CYP2E1: variants seen among roughly 807,000 people sequenced by gnomAD.
The protein encoded by CYP2E1 is cytochrome P450 2E1.
Under a neutral mutation model 42.9 loss-of-function variants are expected in CYP2E1, and 31 were observed. The ratio of observed to expected loss-of-function variants is 0.72; its 90% CI spans 0.54 to 0.98. The LOEUF (loss-of-function observed/expected upper bound fraction) is 0.98, where lower values mean the gene tolerates loss of function less well. Ranked by LOEUF, CYP2E1 falls within the 50% of genes least tolerant of loss-of-function variation. The pLI is 0.00. For missense variants in CYP2E1, 565 were observed against 633.2 expected (o/e 0.89, Z 1.16); for synonymous variants, 244 against 248.9 (o/e 0.98, Z 0.19).
At chr10:133,533,946 GA>G in intron 6 of CYP2E1, 49 bp downstream of exon 6, 1 of 1,603,378 alleles carries the variant, frequency 6.2e-7, no homozygotes, top group Non-Finnish European at 8.5e-7. Context: ...CATCTCCCTG[GA>G]TGGCCAGCCT....
chr10:133,535,121 G>A (rs1851382050), intron 6 of CYP2E1, among the ~76,000 whole-genome samples: 1 of 152,018 alleles, frequency 6.6e-6, no homozygotes, highest in Non-Finnish European at 1.5e-5. Context: ...CGATCACGAG[G>A]TCAGGAGTTC....
At chr10:133,528,123 T>C (rs1003614796) in intron 1 of CYP2E1, 20 of 244,746 alleles carry the variant, frequency 8.2e-5, no homozygotes, top group African/African-American at 4.5e-4. Context: ...CAGCTCGGGC[T>C]CCCGCGCCAG....
chr10:133,537,550 A>C, intron 7 of CYP2E1: 1 of 605,960 alleles, frequency 1.7e-6, no homozygotes, highest in East Asian at 2.8e-5. Flanking sequence ...TAATCCTGTG[A>C]GAAGATTAGG....
Position 133,531,728 on chromosome 10 carries a change from AC to A in CYP2E1, c.484del (p.Gln162LysfsTer19), listed in dbSNP as rs746615680. Reference sequence around the variant, plus strand: ...CTTCCTGCTGGAAGCACTCAGGAAGACCCAAGGTGCGTATCTGCTGCCTAGC... The same window carrying A: ...CTTCCTGCTGGAAGCACTCAGGAAGACCAAGGTGCGTATCTGCTGCCTAGC... ...AHFLLEALRKTQGQPFDPTFL... is the reference protein window; with the variant it reads ...AHFLLEALRKXQGQPFDPTFL... On this transcript the variant is annotated frameshift_variant, in exon 3 of 9. Transcript: ENST00000252945. LOFTEE classifies it high-confidence loss of function. 38 of 1,594,530 alleles carry A rather than the reference AC, an allele frequency of 2.4e-5. 1 individual carries two copies. The highest frequency in any genetic ancestry group is 2.4e-5 in the Non-Finnish European group (28 of 1,171,010).
rs916687829 is a variant in CYP2E1, at chr10:133,536,989, T to A, written c.968-74T>A. 33 of 1,412,938 alleles carry A rather than the reference T, an allele frequency of 2.3e-5. No individual in the cohort carries two copies. In the African/African-American group the frequency reaches 4.0e-4, roughly 17 times the overall value. The allele number at this position is 1,412,938 out of a possible 1,614,324, so 87.5% of individuals were successfully genotyped here. On this transcript the variant is annotated intron_variant, in intron 6 of 8. Coordinates refer to ENST00000252945, the MANE Select transcript of CYP2E1 (RefSeq NM_000773.4). ...ATGGATAAAAGCGTGATTGAATAGA[T>A]GGGTGGATGATGGGTGGATGCCCAA...
chr10:133,531,391 T>TC (rs536768903), intron 2 of CYP2E1, among the ~76,000 whole-genome samples, 194 bp from the exon 3 acceptor site: 57 of 152,186 alleles, frequency 3.7e-4, no homozygotes, highest in African/African-American at 1.3e-3. Flanking sequence ...GAAAGGCTCC[T>TC]CCCCAAAACC....
rs1290895880 is a variant in CYP2E1 at position 133,530,156 on chromosome 10, A to T, written c.338-1429A>T. Among the ~76,000 whole-genome samples the T allele has an allele frequency of 2.6e-5, 4 of 152,312 alleles. No individual in the cohort carries two copies. The East Asian group carries it at 7.7e-4, about 29-fold the overall frequency. On this transcript the variant is annotated intron_variant, in intron 2 of 8. Coordinates refer to ENST00000252945, the MANE Select transcript of CYP2E1 (RefSeq NM_000773.4). ...GCAGGGCGCAGACTGGCGGAAAATT[A>T]GCAGAGCCCTGGGCATGGGCTGCAC...
intron 2 of CYP2E1, 47 bp downstream of exon 2, chr10:133,528,687 C>A: frequency 6.2e-7 from 1 of 1,605,576 alleles, no homozygotes; most frequent in South Asian, 1.1e-5. Flanking sequence ...TAACACGCCC[C>A]GGGACAGTTA....
rs915909 is a variant in CYP2E1 at position 133,533,893 on chromosome 10, C to G, written c.963C>G (p.Ile321Met). The G allele has an allele frequency of 1.2e-6, 2 of 1,613,920 alleles. No homozygotes were observed. The highest frequency in any genetic ancestry group is 1.7e-6 in the Non-Finnish European group (2 of 1,179,952). The change falls in exon 6 of 9, where the codon ATC becomes ATG. Residue 321 changes from isoleucine to methionine, a missense_variant. Coordinates refer to ENST00000252945, the MANE Select transcript of CYP2E1 (RefSeq NM_000773.4). The stretch of plus-strand genomic sequence containing the variant: ...TGATTCTCATGAAATACCCTGAGAT[C>G]GAAGGTAGGCAAGTGACTGAAGGGA... ...GLLILMKYPEIEEKLHEEIDR... is the reference protein window; with the variant it reads ...GLLILMKYPEMEEKLHEEIDR...
chr10:133,531,666 A>G lies in CYP2E1; in HGVS notation c.419A>G (p.Lys140Arg), dbSNP rs1323264151. The G allele has an allele frequency of 6.2e-7, 1 of 1,613,720 alleles. No individual in the cohort carries two copies. Among genetic ancestry groups the G allele is most frequent in the Non-Finnish European group, 8.5e-7 (1 of 1,179,822 alleles). Reference sequence around the variant, plus strand: ...ACCCTCCGGAACTATGGGATGGGGAAACAGGGCAATGAGAGCCGGATCCAG... The same window carrying G: ...ACCCTCCGGAACTATGGGATGGGGAGACAGGGCAATGAGAGCCGGATCCAG... ...LTTLRNYGMGKQGNESRIQRE... is the reference protein window; with the variant it reads ...LTTLRNYGMGRQGNESRIQRE... The change falls in exon 3 of 9, where the codon AAA (lysine) becomes AGA (arginine). Residue 140 changes from lysine to arginine, a missense_variant. Lys to Arg is a conservative substitution (Grantham distance 26). Coordinates refer to ENST00000252945, the MANE Select transcript of CYP2E1 (RefSeq NM_000773.4).
chr10:133,529,337 C>G (rs915563307), intron 2 of CYP2E1, among the ~76,000 whole-genome samples: 2 of 152,214 alleles, frequency 1.3e-5, no homozygotes, highest in Non-Finnish European at 2.9e-5. Context: ...GGCTTCAGAC[C>G]TCAGCGAGGC....
intron 8 of CYP2E1, among the ~76,000 whole-genome samples, chr10:133,538,333 G>A (rs1057153163): frequency 2.4e-4 from 36 of 152,074 alleles, no homozygotes; most frequent in African/African-American, 8.2e-4. Context: ...GATTTTCTTT[G>A]AGGCACTTGT....
At chr10:133,530,395 C>A (rs1851322061) in intron 2 of CYP2E1, among the ~76,000 whole-genome samples, 1 of 152,142 alleles carries the variant, frequency 6.6e-6, no homozygotes, top group East Asian at 1.9e-4. Context: ...CCACGTCTGC[C>A]CCTCTGTCCC....
rs143114791 is a variant in CYP2E1 at position 133,533,821 on chromosome 10, C to T, written c.891C>T (p.Phe297=). The change falls in exon 6 of 9, where the codon TTC becomes TTT. Residue 297 remains phenylalanine (F), a synonymous_variant. Coordinates refer to ENST00000252945, the MANE Select transcript of CYP2E1 (RefSeq NM_000773.4). ...DGITVTVADL[F]FAGTETTSTT... ...TCACCGTGACTGTGGCCGACCTGTTCTTTGCGGGGACAGAGACCACCAGCA... is the reference window on the plus strand; with the variant it reads ...TCACCGTGACTGTGGCCGACCTGTTTTTTGCGGGGACAGAGACCACCAGCA... 1.7e-5 allele frequency: 27 copies of T among 1,614,040 alleles called. No homozygotes were observed. Among genetic ancestry groups the T allele is most frequent in the Non-Finnish European group, 6.8e-6 (8 of 1,180,010 alleles).
intron 2 of CYP2E1, among the ~76,000 whole-genome samples, chr10:133,530,432 A>G (rs2133594626): frequency 6.6e-6 from 1 of 151,762 alleles, no homozygotes; most frequent in South Asian, 2.1e-4. Flanking sequence ...CTTCCTCCCC[A>G]CCTTTCAGGA....
At chr10:133,534,796 C>T (rs1340764029) in intron 6 of CYP2E1, among the ~76,000 whole-genome samples, 2 of 152,114 alleles carry the variant, frequency 1.3e-5, no homozygotes, top group African/African-American at 4.8e-5. Flanking sequence ...AGAAAGTCGA[C>T]ATGTGATGGA....
chr10:133,538,029 A>T, intron 8 of CYP2E1, 137 bp downstream of exon 8: 1 of 770,380 alleles, frequency 1.3e-6, no homozygotes, highest in Non-Finnish European at 2.0e-6. Flanking sequence ...TCTATTGACA[A>T]CATGACCCAA....
chr10:133,532,388 A>G lies in CYP2E1; in HGVS notation c.648+104A>G. 2.6e-6 allele frequency: 3 copies of G among 1,136,730 alleles called. No homozygotes were observed. In the South Asian group the frequency reaches 4.5e-5, roughly 17 times the overall value. 70.4% of individuals were successfully genotyped at this position (1,136,730 alleles called of 1,614,324 possible). A position where few individuals can be genotyped will look rare whatever the true frequency, so the allele number is the denominator to read the frequency against. ...TGATAGACAGGACTGCAAAAGCCAA[A>G]CAACATAGCTTCGAGGGGTGTTTGA... is the stretch of plus-strand genomic sequence containing the variant. On this transcript the variant is annotated intron_variant, in intron 4 of 8. Transcript: ENST00000252945.
chr10:133,533,535 A>T (rs1851363244), intron 5 of CYP2E1, among the ~76,000 whole-genome samples: 1 of 152,004 alleles, frequency 6.6e-6, no homozygotes, highest in African/African-American at 2.4e-5. Flanking sequence ...CTGTGGAGGG[A>T]GACAGAGCCC....
Sources: allele counts gnomAD v4.1 joint callset (sites outside exome capture counted in the v4.1 genomes callset), GRCh38; gene constraint gnomAD v4.1.1; transcripts MANE v1.5; gene names NCBI Gene and HGNC (gene_info 2026-07-23, HGNC 2026-07-21).